FRRS1: variants seen among roughly 807,000 people sequenced by gnomAD.
FRRS1 encodes the protein ferric reductase 1.
Under a neutral mutation model 70.7 loss-of-function variants are expected in FRRS1, and 51 were observed. That is an observed-to-expected ratio of 0.72 (90% CI 0.58 to 0.91). The LOEUF (loss-of-function observed/expected upper bound fraction) is 0.91, where lower values mean the gene tolerates loss of function less well. Among genes scored for constraint, FRRS1 ranks in the 40% least tolerant of loss-of-function variants. The pLI is 0.00. For missense variants in FRRS1, 672 were observed against 726.0 expected (o/e 0.93, Z 0.86); for synonymous variants, 225 against 238.7 (o/e 0.94, Z 0.53).
intron 7 of FRRS1, among the ~76,000 whole-genome samples, chr1:99,734,132 GTA>G (rs1291503780): frequency 6.6e-6 from 1 of 152,158 alleles, no homozygotes; most frequent in Admixed American, 6.5e-5. Context: ...CTGTTCTAAA[GTA>G]AAGGAGATCC....
intron 12 of FRRS1, among the ~76,000 whole-genome samples, chr1:99,712,982 C>T (rs1170425217): frequency 8.1e-6 from 1 of 124,202 alleles, no homozygotes; most frequent in African/African-American, 4.4e-5. Flanking sequence ...TCAGAACAGC[C>T]ATCTGCAGCC....
At chr1:99,746,974 A>G (rs896366576) in intron 4 of FRRS1, among the ~76,000 whole-genome samples, 3 of 152,150 alleles carry the variant, frequency 2.0e-5, no homozygotes, top group Non-Finnish European at 2.9e-5. Context: ...CCCATTCAAC[A>G]TGAAGGCAAT....
At position 99,717,516 on chromosome 1, in the gene FRRS1, A is replaced by G. The variant is rs138866076; in HGVS notation, c.1130T>C (p.Met377Thr). 7.1e-5 allele frequency: 114 copies of G among 1,608,952 alleles called. No homozygotes were observed. In the African/African-American group the frequency reaches 1.4e-3, roughly 19 times the overall value. The change falls in exon 11 of 17, where the codon ATG becomes ACG. Residue 377 changes from methionine to threonine, a missense_variant. By Grantham distance (81) the Met-to-Thr change is moderately conservative. Transcript: ENST00000646001. ...VLLLKVHGALMFVAWMTTVSI... is the reference protein window; with the variant it reads ...VLLLKVHGALTFVAWMTTVSI... The stretch of plus-strand genomic sequence containing the variant: ...AACAGTAGTCATCCATGCCACAAAC[A>G]TTAAGGCACCTACAAGTGAGATAAA...
chr1:99,741,598 T>C (rs1028127532), intron 5 of FRRS1, among the ~76,000 whole-genome samples: 3 of 152,240 alleles, frequency 2.0e-5, no homozygotes, highest in African/African-American at 7.2e-5. Flanking sequence ...CTACTGAGTT[T>C]CATAATTTGA....
intron 9 of FRRS1, among the ~76,000 whole-genome samples, chr1:99,726,205 A>G (rs1309589971): frequency 6.6e-6 from 1 of 152,142 alleles, no homozygotes; most frequent in East Asian, 1.9e-4. Context: ...TCCTGTCACC[A>G]TGTAAGATGT....
At chr1:99,747,992 A>C (rs1656369654) in intron 3 of FRRS1, 1 of 152,842 alleles carries the variant, frequency 6.5e-6, no homozygotes, top group African/African-American at 2.4e-5. Context: ...CACTGGATGA[A>C]AGTAAATACT....
At chr1:99,717,822 G>T (rs553942965) in intron 10 of FRRS1, among the ~76,000 whole-genome samples, 1 of 152,074 alleles carries the variant, frequency 6.6e-6, no homozygotes, top group Non-Finnish European at 1.5e-5. Context: ...TTCCAGTTTT[G>T]CTGAATGGAG....
Position 99,707,693 on chromosome 1 carries a change from A to C in FRRS1, c.*1335T>G, listed in dbSNP as rs1654070026. ...ACCTAAATACTAGAAAGGAATCAGC[A>C]CAAGGAAACAGGAACAAAGCAGTGC... On this transcript the variant is annotated 3_prime_UTR_variant, in exon 17 of 17. Transcript: ENST00000646001. Among the ~76,000 whole-genome samples the C allele has an allele frequency of 6.6e-6, 1 of 152,252 alleles. No homozygotes were observed.
intron 1 of FRRS1, chr1:99,765,782 T>C (rs2101014252): frequency 6.7e-6 from 1 of 149,016 alleles, no homozygotes; most frequent in East Asian, 2.0e-4. Context: ...GCGCCTGTAA[T>C]CCCAGCAGTA....
At chr1:99,754,702 C>T (rs879804718) in intron 1 of FRRS1, among the ~76,000 whole-genome samples, 5 of 152,182 alleles carry the variant, frequency 3.3e-5, no homozygotes, top group Admixed American at 3.3e-4. Context: ...CCATAAGATA[C>T]AACTTAATAA....
In FRRS1 at chr1:99,704,092, A is replaced by C. The variant is rs1380515287; in HGVS notation, c.*4936T>G. Among the ~76,000 whole-genome samples, 1 of 152,222 alleles carries C rather than the reference A, an allele frequency of 6.6e-6. No homozygotes were observed. The highest frequency in any genetic ancestry group is 1.5e-5 in the Non-Finnish European group (1 of 68,032). On this transcript the variant is annotated 3_prime_UTR_variant, in exon 17 of 17. Coordinates refer to ENST00000646001, the MANE Select transcript of FRRS1 (RefSeq NM_001361041.2). ...GTTTAACACTGCAATCAAATGGCAA[A>C]GACATCATCAAAAACATGTACGAAG...
chr1:99,723,342 C>T (rs1270330909), intron 9 of FRRS1, among the ~76,000 whole-genome samples: 1 of 151,996 alleles, frequency 6.6e-6, no homozygotes, highest in African/African-American at 2.4e-5. Context: ...ATGACGAGAC[C>T]CCATTTCTAC....
At chr1:99,725,155 A>G (rs1227235811) in intron 9 of FRRS1, among the ~76,000 whole-genome samples, 3 of 152,098 alleles carry the variant, frequency 2.0e-5, no homozygotes, top group African/African-American at 7.2e-5. Context: ...TCGTGCTCCT[A>G]TGAGAATCTA....
intron 14 of FRRS1, among the ~76,000 whole-genome samples, 186 bp downstream of exon 14, chr1:99,711,919 G>GA (rs1359810420): frequency 6.6e-6 from 1 of 152,186 alleles, no homozygotes; most frequent in African/African-American, 2.4e-5. Context: ...ACTTAAAACT[G>GA]AAATAATGAC....
chr1:99,731,562 T>C (rs1352019465), intron 7 of FRRS1, among the ~76,000 whole-genome samples: 1 of 152,196 alleles, frequency 6.6e-6, no homozygotes, highest in Non-Finnish European at 1.5e-5. Flanking sequence ...CTAAAGCTTG[T>C]TTCTATATAG....
intron 9 of FRRS1, among the ~76,000 whole-genome samples, chr1:99,728,081 G>C (rs1655155425): frequency 6.6e-6 from 1 of 152,214 alleles, no homozygotes; most frequent in Admixed American, 6.5e-5. Flanking sequence ...CTAAGGAGAT[G>C]AGATTCATAT....
At chr1:99,743,781 C>T (rs985172612) in intron 4 of FRRS1, among the ~76,000 whole-genome samples, 9 of 152,142 alleles carry the variant, frequency 5.9e-5, no homozygotes, top group African/African-American at 2.2e-4. Flanking sequence ...AACTCCTGAG[C>T]TCAAGCAATC....
At chr1:99,764,010 T>C (rs541726957) in intron 1 of FRRS1, among the ~76,000 whole-genome samples, 1 of 152,336 alleles carries the variant, frequency 6.6e-6, no homozygotes, top group African/African-American at 2.4e-5. Flanking sequence ...ACCCAAACTA[T>C]ATAATACTTG....
At chr1:99,710,657 A>C (rs1654230398) in intron 15 of FRRS1, 149 bp downstream of exon 15, 1 of 634,088 alleles carries the variant, frequency 1.6e-6, no homozygotes, top group Admixed American at 3.0e-5. Flanking sequence ...CAAAGGCAGA[A>C]AATCACAATT....
Sources: allele counts gnomAD v4.1 joint callset (sites outside exome capture counted in the v4.1 genomes callset), GRCh38; gene constraint gnomAD v4.1.1; transcripts MANE v1.5; gene names NCBI Gene and HGNC (gene_info 2026-07-23, HGNC 2026-07-21).